The following SPDYE3 variants were observed in gnomAD, a reference collection of about 807,000 sequenced individuals.
SPDYE3 encodes the protein speedy/RINGO cell cycle regulator family member E3.
A neutral mutation model predicts 55.0 loss-of-function variants in SPDYE3; 15 were observed. That is an observed-to-expected ratio of 0.27 (90% CI 0.18 to 0.42). The LOEUF (loss-of-function observed/expected upper bound fraction) is 0.42, where lower values mean the gene tolerates loss of function less well. Ranked by LOEUF, SPDYE3 falls within the 10% of genes least tolerant of loss-of-function variation. The pLI is 1.00. For missense variants in SPDYE3, 236 were observed against 576.7 expected (o/e 0.41, Z 6.05); for synonymous variants, 89 against 229.9 (o/e 0.39, Z 5.55).
rs1789538247 is a variant in SPDYE3 at position 100,319,959 on chromosome 7, TG to T, written c.1620del (p.Trp541GlyfsTer18). 1 of 1,610,004 alleles carries T rather than the reference TG, an allele frequency of 6.2e-7. No homozygotes were observed. The highest frequency in any genetic ancestry group is 8.5e-7 in the Non-Finnish European group (1 of 1,179,380). The part of the protein sequence containing the change: ...EIQAYDPEHW[V>X]WARDRAHLS Reference sequence around the variant, plus strand: ...CAGGCTTATGACCCAGAGCACTGGGTGTGGGCGCGAGATCGCGCCCACCTTT... The same window carrying T: ...CAGGCTTATGACCCAGAGCACTGGGTTGGGCGCGAGATCGCGCCCACCTTT... On this transcript the variant is annotated frameshift_variant, in exon 10 of 11. Transcript: ENST00000332397. LOFTEE classifies it high-confidence loss of function.
intron 8 of SPDYE3, among the ~76,000 whole-genome samples, chr7:100,319,056 G>C (rs1585001150): frequency 6.6e-6 from 1 of 151,650 alleles, no homozygotes; most frequent in Non-Finnish European, 1.5e-5. Context: ...GGACTAATGG[G>C]TGTGCCACCG....
At chr7:100,316,028 G>C (rs768430257) in intron 7 of SPDYE3, among the ~76,000 whole-genome samples, 185 bp downstream of exon 7, 9 of 152,016 alleles carry the variant, frequency 5.9e-5, no homozygotes, top group Non-Finnish European at 5.9e-5. Context: ...CTGGAGGGCA[G>C]TGTCTCGATC....
chr7:100,319,210 G>A (rs968272314), intron 8 of SPDYE3, among the ~76,000 whole-genome samples: 6 of 152,002 alleles, frequency 3.9e-5, no homozygotes, highest in African/African-American at 7.2e-5. Flanking sequence ...CACGTCTGGC[G>A]TATTTTTTAT....
In SPDYE3 at chr7:100,321,811, T is replaced by TTTTATTTATTTAAATATTTATTAAATATA. The variant is rs1220598681; in HGVS notation, c.*1011_*1039dup. On this transcript the variant is annotated 3_prime_UTR_variant, in exon 11 of 11. Transcript: ENST00000332397. ...TGGGCAAAGAATTATTTAAATATTA[T>TTTTATTTATTTAAATATTTATTAAATATA]TTTATTTATTTAAATATTTATTAAA... 2.5e-4 allele frequency: 37 copies of TTTTATTTATTTAAATATTTATTAAATATA among 147,778 alleles called. No individual in the cohort carries two copies. Among genetic ancestry groups the TTTTATTTATTTAAATATTTATTAAATATA allele is most frequent in the Admixed American group, 1.4e-3 (21 of 14,780 alleles). 9.2% of individuals were successfully genotyped at this position (147,778 alleles called of 1,614,324 possible). A position where few individuals can be genotyped will look rare whatever the true frequency, so the allele number is the denominator to read the frequency against.
intron 10 of SPDYE3, chr7:100,320,256 T>C (rs957733815): frequency 5.5e-5 from 64 of 1,166,164 alleles, no homozygotes; most frequent in South Asian, 5.0e-4. Flanking sequence ...AGGTCGGGGC[T>C]GCAGGGAGCC....
chr7:100,315,721 G>A (rs996554915), intron 6 of SPDYE3, 64 bp from the exon 7 acceptor site: 3 of 1,596,466 alleles, frequency 1.9e-6, no homozygotes, highest in Middle Eastern at 2.1e-4. Flanking sequence ...TCTCCTCACT[G>A]CCCTGCTGCT....
intron 1 of SPDYE3, among the ~76,000 whole-genome samples, chr7:100,308,246 G>A (rs1273668407): frequency 1.1e-4 from 16 of 150,464 alleles, no homozygotes; most frequent in African/African-American, 3.4e-4. Flanking sequence ...CAGGAGAATC[G>A]CTTGAGCCTG....
At position 100,319,914 on chromosome 7, in the gene SPDYE3, C is replaced by T. The variant is rs762243256; in HGVS notation, c.1591-17C>T. The T allele has an allele frequency of 9.3e-6, 15 of 1,612,782 alleles. No individual in the cohort carries two copies. The highest frequency in any genetic ancestry group is 6.7e-5 in the East Asian group (3 of 44,878). ...CTGGGGAGTCCCCGTCTTCTCAAAG[C>T]GCATTTGTTTTTCCAGATCCAGGCT... On this transcript the variant is annotated splice_polypyrimidine_tract_variant and intron_variant, in intron 9 of 10. Coordinates refer to ENST00000332397, the MANE Select transcript of SPDYE3 (RefSeq NM_001004351.5).
At position 100,314,213 on chromosome 7, in the gene SPDYE3, C is replaced by G. The variant is rs868792073; in HGVS notation, c.983-319C>G. Among the ~76,000 whole-genome samples, 396 of 108,634 alleles carry G rather than the reference C, an allele frequency of 3.6e-3. 12 individuals carry two copies. Among genetic ancestry groups the G allele is most frequent in the African/African-American group, 0.01 (292 of 29,018 alleles). The allele number at this position is 108,634 out of a possible 152,430, so 71.3% of individuals were successfully genotyped here. On this transcript the variant is annotated intron_variant, in intron 5 of 10. Transcript: ENST00000332397. ...GAATCCGGGAGATAGATGTTGCAGT[C>G]AGCTGAGATTGCACCACTACACTCC...
chr7:100,319,975 CG>C lies in SPDYE3; in HGVS notation c.1636del (p.Ala546ProfsTer13), dbSNP rs1311296873. 6.2e-7 allele frequency: 1 copy of C among 1,608,700 alleles called. No homozygotes were observed. The highest frequency in any genetic ancestry group is 1.3e-5 in the African/African-American group (1 of 74,724). On this transcript the variant is annotated frameshift_variant, in exon 10 of 11. Transcript: ENST00000332397. LOFTEE classifies it high-confidence loss of function. Reference sequence around the variant, plus strand: ...AGCACTGGGTGTGGGCGCGAGATCGCGCCCACCTTTCCTAGAGCTCCAGGGA... The same window carrying C: ...AGCACTGGGTGTGGGCGCGAGATCGCCCCACCTTTCCTAGAGCTCCAGGGA... ...PEHWVWARDRAHLS is the reference protein window; with the variant it reads ...PEHWVWARDRXHLS
intron 10 of SPDYE3, chr7:100,320,342 C>T (rs1789552758): frequency 1.7e-5 from 18 of 1,062,590 alleles, no homozygotes; most frequent in East Asian, 4.9e-5. Context: ...ATACTGAGTT[C>T]GGGGAGGTTC....
intron 5 of SPDYE3, among the ~76,000 whole-genome samples, chr7:100,313,819 A>AG (rs1806026491): frequency 4.0e-5 from 1 of 25,238 alleles, no homozygotes; most frequent in Non-Finnish European, 8.3e-5. Context: ...CCTGGGAGGA[A>AG]GAGGGTGCAG....
chr7:100,312,980 G>A (rs1448889480), intron 4 of SPDYE3, among the ~76,000 whole-genome samples, 160 bp from the exon 5 acceptor site: 3 of 147,758 alleles, frequency 2.0e-5, no homozygotes, highest in Non-Finnish European at 4.5e-5. Flanking sequence ...GGGAAGGAGT[G>A]GCACATGGGG....
Position 100,313,263 on chromosome 7 carries a change from T to TGGCGGAGA in SPDYE3, c.888_895dup (p.Thr299ArgfsTer10), listed in dbSNP as rs999390466. ...GCCCCTGAGCCTGAGGAGACCTGGGTGGCGGAGACGCTGTGTGGCCTCAAG... is the reference window on the plus strand; with the variant it reads ...GCCCCTGAGCCTGAGGAGACCTGGGTGGCGGAGAGGCGGAGACGCTGTGTGGCCTCAAG... On this transcript the variant is annotated frameshift_variant, in exon 5 of 11. Coordinates refer to ENST00000332397, the MANE Select transcript of SPDYE3 (RefSeq NM_001004351.5). LOFTEE classifies it high-confidence loss of function. 2.9e-6 allele frequency: 3 copies of TGGCGGAGA among 1,049,498 alleles called. No individual in the cohort carries two copies. The Admixed American group carries it at 7.5e-5, about 26-fold the overall frequency. The allele number at this position is 1,049,498 out of a possible 1,614,324, so 65.0% of individuals were successfully genotyped here.
chr7:100,307,986 C>A lies in SPDYE3; in HGVS notation c.101C>A (p.Pro34Gln). The change falls in exon 1 of 11, where the codon CCA becomes CAA. Residue 34 changes from proline (P) to glutamine (Q), a missense_variant. By Grantham distance (76) the Pro-to-Gln change is moderately conservative. Transcript: ENST00000332397. ...QEVVDDEVSG[P>Q]SAPGVDPSPP... ...GTGGTGGATGATGAAGTGTCGGGAC[C>A]ATCAGGTGAGGGGACTGGAGGAAGA... 6.4e-7 allele frequency: 1 copy of A among 1,553,662 alleles called. No homozygotes were observed. Among genetic ancestry groups the A allele is most frequent in the Non-Finnish European group, 8.6e-7 (1 of 1,157,496 alleles).
rs1372385575 is a variant in SPDYE3, at chr7:100,312,451, C to T, written c.763+483C>T. On this transcript the variant is annotated intron_variant, in intron 4 of 10. Transcript: ENST00000332397. ...GGAAGAGGGTGCAGTGAGCCAAGAT[C>T]GTGCTACTGCACTCCAGTCTGGGTG... is the stretch of plus-strand genomic sequence containing the variant. 6.3e-4 allele frequency among the ~76,000 whole-genome samples: 80 copies of T among 127,696 alleles called. 3 individuals carry two copies. The highest frequency in any genetic ancestry group is 1.1e-3 in the Admixed American group (14 of 13,006). 83.8% of individuals were successfully genotyped at this position (127,696 alleles called of 152,430 possible).
Position 100,307,834 on chromosome 7 carries a change from G to A in SPDYE3, c.-52G>A, listed in dbSNP as rs1197895631. 2.6e-6 allele frequency: 4 copies of A among 1,535,300 alleles called. No homozygotes were observed. Among genetic ancestry groups the A allele is most frequent in the Non-Finnish European group, 2.6e-6 (3 of 1,146,432 alleles). On this transcript the variant is annotated 5_prime_UTR_variant, in exon 1 of 11. Transcript: ENST00000332397. ...CCAGCAGTGTCCAGAAGAAGACCAA[G>A]GACAGAACAGAGACTAGCTTCGGTG...
At chr7:100,308,067 C>T in intron 1 of SPDYE3, 76 bp downstream of exon 1, 3 of 1,461,422 alleles carry the variant, frequency 2.1e-6, no homozygotes, top group Non-Finnish European at 2.7e-6. Context: ...CGGTAGCTCA[C>T]CCCTGTAACA....
rs566239048 is a variant in SPDYE3 at position 100,316,159 on chromosome 7, C to T, written c.1260+316C>T. Among the ~76,000 whole-genome samples, 18 of 152,188 alleles carry T rather than the reference C, an allele frequency of 1.2e-4. No homozygotes were observed. In the South Asian group the frequency reaches 1.7e-3, roughly 14 times the overall value. On this transcript the variant is annotated intron_variant, in intron 7 of 10. Transcript: ENST00000332397. ...CTAATTTTTGTGTTTTTAGTAGAGA[C>T]GGGGTTTTGCCATGTTGGCCAGATT...
Sources: allele counts gnomAD v4.1 joint callset (sites outside exome capture counted in the v4.1 genomes callset), GRCh38; gene constraint gnomAD v4.1.1; transcripts MANE v1.5; gene names NCBI Gene and HGNC (gene_info 2026-07-23, HGNC 2026-07-21).